PARP4: variants seen among roughly 807,000 people sequenced by gnomAD.
PARP4 encodes the protein poly(ADP-ribose) polymerase family member 4.
In PARP4, 120 loss-of-function variants were observed where a neutral mutation model predicts 187.7. The ratio of observed to expected loss-of-function variants is 0.64; its 90% CI spans 0.55 to 0.74. The LOEUF is 0.74. PARP4 is among the 30% of genes least tolerant of loss of function. The probability of loss-of-function intolerance (pLI) is 0.00; values close to 1 mark genes in which losing one functional copy is unlikely to be tolerated. For missense variants in PARP4, 1,836 were observed against 2,070.5 expected, an observed-to-expected ratio of 0.89 and a Z score of 2.20; for synonymous variants, 654 against 740.9, an observed-to-expected ratio of 0.88 and a Z score of 1.90.
At chr13:24,442,096 G>A (rs1280426813) in intron 29 of PARP4, 128 bp from the exon 30 acceptor site, 18 of 1,150,774 alleles carry the variant, frequency 1.6e-5, no homozygotes, top group Middle Eastern at 2.6e-4. Flanking sequence ...TTGTGCCGTG[G>A]GCCACAAGCG....
intron 32 of PARP4, among the ~76,000 whole-genome samples, chr13:24,427,758 A>G (rs1870132904): frequency 6.6e-6 from 1 of 152,202 alleles, no homozygotes; most frequent in African/African-American, 2.4e-5. Context: ...AATTGAATAC[A>G]TTTTTAAAAA....
intron 10 of PARP4, among the ~76,000 whole-genome samples, chr13:24,488,799 C>T (rs1188546727): frequency 6.6e-6 from 1 of 152,180 alleles, no homozygotes; most frequent in Non-Finnish European, 1.5e-5. Context: ...CAAAAGAAAA[C>T]CCCGTACCTT....
In PARP4 at chr13:24,456,931, A is replaced by T. The variant is rs188431089; in HGVS notation, c.2425-453T>A. 1.6e-3 allele frequency among the ~76,000 whole-genome samples: 244 copies of T among 152,164 alleles called. 1 individual carries two copies. The highest frequency in any genetic ancestry group is 4.7e-3 in the African/African-American group (196 of 41,532). On this transcript the variant is annotated intron_variant, in intron 20 of 33. Transcript: ENST00000381989. ...AAAAACAAAACAAAACAAAACAAAAAAAACAAAATAACAAAATGTAGGTTT... is the reference window on the plus strand; with the variant it reads ...AAAAACAAAACAAAACAAAACAAAATAAACAAAATAACAAAATGTAGGTTT...
At chr13:24,470,916 GA>G (rs754412076) in intron 15 of PARP4, among the ~76,000 whole-genome samples, 133 of 152,254 alleles carry the variant, frequency 8.7e-4, no homozygotes, top group Non-Finnish European at 1.5e-3. Flanking sequence ...CACCGTCCTG[GA>G]GACAGAATCT....
At chr13:24,449,869 AG>A (rs749825697) in intron 24 of PARP4, 52 bp from the exon 25 acceptor site, 2 of 1,133,092 alleles carry the variant, frequency 1.8e-6, no homozygotes, top group Admixed American at 3.6e-5. Context: ...ATATTTTTGA[AG>A]TACATGTTAA....
chr13:24,501,775 G>C lies in PARP4; in HGVS notation c.192C>G (p.Ile64Met). 6.2e-7 allele frequency: 1 copy of C among 1,612,752 alleles called. No homozygotes were observed. The highest frequency in any genetic ancestry group is 8.5e-7 in the Non-Finnish European group (1 of 1,178,850). Residue 64 changes from isoleucine to methionine, a missense_variant, in exon 3 of 34, where the codon ATC becomes ATG. Transcript: ENST00000381989. Reference protein sequence around the residue: ...DVLSQYQLNSIQKNHVHIANP... With the variant: ...DVLSQYQLNSMQKNHVHIANP... ...TTGCAATATGAACGTGGTTCTTTTGGATAGAATTCAGTTGGTACTGACTCA... is the reference window on the plus strand; with the variant it reads ...TTGCAATATGAACGTGGTTCTTTTGCATAGAATTCAGTTGGTACTGACTCA...
chr13:24,471,642 G>C (rs556025919), intron 15 of PARP4, among the ~76,000 whole-genome samples: 1 of 152,084 alleles, frequency 6.6e-6, no homozygotes, highest in African/African-American at 2.4e-5. Context: ...TAAATCTACA[G>C]TCTGGCTGTT....
intron 32 of PARP4, among the ~76,000 whole-genome samples, chr13:24,429,394 C>T (rs986502016): frequency 2.0e-5 from 3 of 152,174 alleles, no homozygotes; most frequent in Non-Finnish European, 4.4e-5. Context: ...AATTTTCATT[C>T]CATACTGAAC....
chr13:24,443,526 T>C, intron 28 of PARP4, 124 bp downstream of exon 28: 1 of 674,762 alleles, frequency 1.5e-6, no homozygotes, highest in East Asian at 2.5e-5. Context: ...GATACAGTGA[T>C]GAATGCCCTG....
At chr13:24,467,872 C>T (rs1250588219) in intron 17 of PARP4, among the ~76,000 whole-genome samples, 2 of 152,096 alleles carry the variant, frequency 1.3e-5, no homozygotes, top group South Asian at 2.1e-4. Flanking sequence ...TCAAATGAAC[C>T]CCAGGCTTCT....
chr13:24,441,991 T>TA, intron 29 of PARP4, 23 bp from the exon 30 acceptor site: 1 of 1,561,090 alleles, frequency 6.4e-7, no homozygotes, highest in South Asian at 1.2e-5. Context: ...ACAAATAGAT[T>TA]AAATCAAACA....
chr13:24,507,313 T>G (rs762155653), intron 1 of PARP4, among the ~76,000 whole-genome samples: 24 of 152,238 alleles, frequency 1.6e-4, no homozygotes, highest in Non-Finnish European at 3.4e-4. Flanking sequence ...CTGCAAGGGC[T>G]GCCAGCACGC....
At chr13:24,500,837 T>C (rs1340466370) in intron 3 of PARP4, among the ~76,000 whole-genome samples, 1 of 152,222 alleles carries the variant, frequency 6.6e-6, no homozygotes, top group Non-Finnish European at 1.5e-5. Context: ...CATTGTGATA[T>C]ACAGGAATAA....
In PARP4 at chr13:24,426,480, G is replaced by A. The variant is rs775387437; in HGVS notation, c.4965C>T (p.Asp1655=). The A allele has an allele frequency of 1.2e-5, 19 of 1,609,634 alleles. No homozygotes were observed. Among genetic ancestry groups the A allele is most frequent in the Middle Eastern group, 2.0e-4 (1 of 5,128 alleles). ...IVFKSLMKMD[D]ASISRNIPWA... ...GTTAAAGCCACCTGGAAATAGAAGC[G>A]TCATCCATTTTCATCAGTGATTTGA... is the stretch of plus-strand genomic sequence containing the variant. Residue 1655 remains aspartate, a synonymous_variant, in exon 33 of 34, where the codon GAC becomes GAT. Transcript: ENST00000381989.
In PARP4 at chr13:24,435,364, T is replaced by A. The variant is rs61739727; in HGVS notation, c.3777A>T (p.Glu1259Asp). ...CACCTAAGCCATCCTCTTCAAAATC[T>A]TCAGAAACTTCTGGCTGAGATAATT... Reference protein sequence around the residue: ...KMELSQPEVSEDFEEDGLGVL... With the variant: ...KMELSQPEVSDDFEEDGLGVL... Residue 1259 changes from glutamate to aspartate, a missense_variant, in exon 31 of 34, where the codon GAA (glutamate) becomes GAT (aspartate). Transcript: ENST00000381989. The A allele has an allele frequency of 3.3e-4, 529 of 1,612,566 alleles. 1 individual carries two copies. The African/African-American group carries it at 6.4e-3, about 19-fold the overall frequency.
At chr13:24,494,517 A>G (rs976372717) in intron 7 of PARP4, 56 bp downstream of exon 7, 1 of 1,468,130 alleles carries the variant, frequency 6.8e-7, no homozygotes, top group Non-Finnish European at 9.4e-7. Context: ...TAATAGAGAA[A>G]ACATTTCTAT....
Position 24,437,849 on chromosome 13 carries a change from C to CAAAAAAAAAA in PARP4, c.3667-2385_3667-2376dup, listed in dbSNP as rs1216300092. 1.4e-3 allele frequency among the ~76,000 whole-genome samples: 161 copies of CAAAAAAAAAA among 118,270 alleles called. 18 individuals are homozygous for CAAAAAAAAAA. The highest frequency in any genetic ancestry group is 2.0e-3 in the African/African-American group (60 of 30,036). The allele number at this position is 118,270 out of a possible 152,430, so 77.6% of individuals were successfully genotyped here. On this transcript the variant is annotated intron_variant, in intron 30 of 33. Transcript: ENST00000381989. Reference sequence around the variant, plus strand: ...TGGGTGACAGAGTGAGACTCCATCTCAAAAAAAAAAAAGAATCATACTGAG... The same window carrying CAAAAAAAAAA: ...TGGGTGACAGAGTGAGACTCCATCTCAAAAAAAAAAAAAAAAAAAAAAGAATCATACTGAG...
intron 14 of PARP4, among the ~76,000 whole-genome samples, chr13:24,475,920 G>A (rs1872961561): frequency 6.6e-6 from 1 of 152,050 alleles, no homozygotes; most frequent in Middle Eastern, 3.2e-3. Context: ...GAGTAGCTGG[G>A]ACTATAGGCA....
At chr13:24,510,416 T>A (rs988082727) in intron 1 of PARP4, among the ~76,000 whole-genome samples, 8 of 151,312 alleles carry the variant, frequency 5.3e-5, no homozygotes, top group African/African-American at 1.7e-4. Context: ...TAGCCGGGCG[T>A]AGTGGCGGGT....
Sources: allele counts gnomAD v4.1 joint callset (sites outside exome capture counted in the v4.1 genomes callset), GRCh38; gene constraint gnomAD v4.1.1; transcripts MANE v1.5; gene names NCBI Gene and HGNC (gene_info 2026-07-23, HGNC 2026-07-21).